The following INTS9 variants were observed in gnomAD, a reference collection of about 807,000 sequenced individuals.
INTS9 encodes the protein protein related to CPSF subunits of 74 kDa.
Under a neutral mutation model 79.7 loss-of-function variants are expected in INTS9, and 55 were observed. The observed-to-expected ratio is 0.69, with a 90% CI of 0.56 to 0.86. The LOEUF (loss-of-function observed/expected upper bound fraction) is 0.86, where lower values mean the gene tolerates loss of function less well. Among genes scored for constraint, INTS9 ranks in the 40% least tolerant of loss-of-function variants. The pLI is 0.00. For missense variants in INTS9, 721 were observed against 831.5 expected (o/e 0.87, Z 1.64); for synonymous variants, 319 against 325.2 (o/e 0.98, Z 0.20).
chr8:28,770,495 G>A (rs537982346), intron 15 of INTS9, among the ~76,000 whole-genome samples: 64 of 152,314 alleles, frequency 4.2e-4, no homozygotes, highest in African/African-American at 1.3e-3. Flanking sequence ...AAGACAAGGC[G>A]GGTCAAGGAC....
At chr8:28,858,016 T>G (rs1406725514) in intron 2 of INTS9, among the ~76,000 whole-genome samples, 5 of 152,022 alleles carry the variant, frequency 3.3e-5, no homozygotes, top group African/African-American at 9.7e-5. Flanking sequence ...GAACGAGAAT[T>G]CCAGTGCTGA....
chr8:28,768,445 G>C (rs2130828399), intron 16 of INTS9, 123 bp from the exon 17 acceptor site: 1 of 891,976 alleles, frequency 1.1e-6, no homozygotes. Flanking sequence ...CAATTCTTCA[G>C]ACTAGTCATA....
chr8:28,791,173 A>G (rs1442530087), intron 10 of INTS9, among the ~76,000 whole-genome samples: 1 of 151,640 alleles, frequency 6.6e-6, no homozygotes, highest in Non-Finnish European at 1.5e-5. Flanking sequence ...TTCTGCAAAG[A>G]CTCTTGTCTT....
At chr8:28,824,023 T>A (rs1806004249) in intron 6 of INTS9, among the ~76,000 whole-genome samples, 1 of 152,230 alleles carries the variant, frequency 6.6e-6, no homozygotes, top group African/African-American at 2.4e-5. Context: ...CATAGTGAAC[T>A]GCTTTAGGTT....
At chr8:28,861,057 T>C (rs909291555) in intron 1 of INTS9, among the ~76,000 whole-genome samples, 5 of 152,252 alleles carry the variant, frequency 3.3e-5, no homozygotes, top group Admixed American at 3.3e-4. Context: ...TGTATGATGA[T>C]TATATTTTAC....
intron 6 of INTS9, among the ~76,000 whole-genome samples, chr8:28,825,256 G>A (rs1049489111): frequency 2.0e-5 from 3 of 152,218 alleles, no homozygotes; most frequent in African/African-American, 7.2e-5. Flanking sequence ...GCCAGAGCTG[G>A]AAGGCTGTCA....
chr8:28,784,929 T>G (rs575735887), intron 11 of INTS9, among the ~76,000 whole-genome samples: 1 of 152,222 alleles, frequency 6.6e-6, no homozygotes, highest in Non-Finnish European at 1.5e-5. Flanking sequence ...CCCATGGCCA[T>G]GGAGTACATC....
chr8:28,799,620 T>C (rs1231999330), intron 8 of INTS9, among the ~76,000 whole-genome samples: 1 of 152,182 alleles, frequency 6.6e-6, no homozygotes, highest in African/African-American at 2.4e-5. Context: ...ATTTCACCAC[T>C]AAAGGGCAAA....
chr8:28,812,755 G>T (rs1425814747), intron 7 of INTS9, among the ~76,000 whole-genome samples: 1 of 152,184 alleles, frequency 6.6e-6, no homozygotes, highest in African/African-American at 2.4e-5. Flanking sequence ...GCTACTTGGG[G>T]CAGGAGGATC....
In INTS9 at chr8:28,770,010, G is replaced by T; in HGVS notation, c.1679C>A (p.Ala560Asp). 3 of 1,614,034 alleles carry T rather than the reference G, an allele frequency of 1.9e-6. No individual in the cohort carries two copies. Among genetic ancestry groups the T allele is most frequent in the Non-Finnish European group, 2.5e-6 (3 of 1,180,036 alleles). Residue 560 changes from alanine to aspartate, a missense_variant, in exon 16 of 17, where the codon GCC becomes GAC. Physicochemically the swap from Ala to Asp is moderately radical, Grantham distance 126. Around this residue, in one of 3 missense-constraint regions of INTS9, gnomAD observed 281 missense variants for 300.8 expected, o/e 0.93. Coordinates refer to ENST00000521022, the MANE Select transcript of INTS9 (RefSeq NM_018250.4). ...TCTCTTCTTCCCGCTCGTGGGCTGG[G>T]CGGGCCGAGGAGGGGGCTAGAGCAG... ...KHLLQPPPRPAQPTSGKKRKR... is the reference protein window; with the variant it reads ...KHLLQPPPRPDQPTSGKKRKR...
intron 1 of INTS9, among the ~76,000 whole-genome samples, chr8:28,886,862 ATTGCC>A (rs1330999295): frequency 6.6e-6 from 1 of 152,244 alleles, no homozygotes; most frequent in Non-Finnish European, 1.5e-5. Context: ...TACTTAGCAC[ATTGCC>A]TGGCACACAA....
At chr8:28,782,892 A>C (rs894145575) in intron 11 of INTS9, among the ~76,000 whole-genome samples, 6 of 151,954 alleles carry the variant, frequency 3.9e-5, no homozygotes, top group Non-Finnish European at 8.8e-5. Context: ...ACACAAAAAA[A>C]CCCCCAGCAC....
intron 8 of INTS9, among the ~76,000 whole-genome samples, chr8:28,811,220 C>T (rs1021672611): frequency 2.0e-5 from 3 of 151,720 alleles, no homozygotes; most frequent in South Asian, 2.1e-4. Flanking sequence ...CTCTGTCTCC[C>T]GAGTTCAAGT....
In INTS9 at chr8:28,889,882, T is replaced by TA. The variant is rs1289865796; in HGVS notation, c.-1dup. The TA allele has an allele frequency of 6.2e-7, 1 of 1,613,844 alleles. No individual in the cohort carries two copies. Among genetic ancestry groups the TA allele is most frequent in the Non-Finnish European group, 8.5e-7 (1 of 1,179,800 alleles). On this transcript the variant is annotated 5_prime_UTR_variant, in exon 1 of 17. Transcript: ENST00000521022. ...TAGGAGCGAAGACTCACCAGTTTCA[T>TA]AATGGACTTTTGGTGGTTCAATAGC... is the stretch of plus-strand genomic sequence containing the variant.
chr8:28,777,215 C>T (rs961584463), intron 13 of INTS9, among the ~76,000 whole-genome samples: 3 of 152,108 alleles, frequency 2.0e-5, no homozygotes, highest in African/African-American at 4.8e-5. Context: ...AGCTCTTCCT[C>T]GCCGGTGTCA....
At chr8:28,774,726 T>TAA (rs1269840704) in intron 14 of INTS9, among the ~76,000 whole-genome samples, 1 of 152,148 alleles carries the variant, frequency 6.6e-6, no homozygotes, top group African/African-American at 2.4e-5. Flanking sequence ...GTTTTAACAA[T>TAA]AAGTTTTTAT....
chr8:28,778,973 AT>A (rs1287220540), intron 12 of INTS9, among the ~76,000 whole-genome samples: 2 of 152,216 alleles, frequency 1.3e-5, no homozygotes, highest in Non-Finnish European at 2.9e-5. Flanking sequence ...TGGAAGCCCC[AT>A]AAACCAGTTT....
At chr8:28,835,488 TTCA>T (rs1806759636) in intron 5 of INTS9, 110 bp from the exon 6 acceptor site, 9 of 652,600 alleles carry the variant, frequency 1.4e-5, no homozygotes, top group Non-Finnish European at 1.9e-5. Flanking sequence ...CCTACACCAT[TTCA>T]TCATCATCTT....
At chr8:28,783,569 C>G (rs1803421981) in intron 11 of INTS9, 1 of 152,200 alleles carries the variant, frequency 6.6e-6, no homozygotes, top group South Asian at 2.1e-4. Flanking sequence ...GGGGATGTGG[C>G]CAGAATAGGA....
Sources: gnomAD v4.1 joint callset for allele counts (sites outside exome capture counted in the v4.1 genomes callset) on GRCh38, gnomAD v4.1.1 for gene constraint, gnomAD v4.1.1 regional missense constraint, MANE v1.5 for transcripts, NCBI Gene and HGNC (gene_info 2026-07-23, HGNC 2026-07-21) for gene names.